The following SUSD6 variants were observed in gnomAD, a reference collection of about 807,000 sequenced individuals.
The protein encoded by SUSD6 is sushi domain-containing protein 6.
Under a neutral mutation model 28.4 loss-of-function variants are expected in SUSD6, and 16 were observed. That is an observed-to-expected ratio of 0.56 (90% CI 0.38 to 0.86). The LOEUF (loss-of-function observed/expected upper bound fraction) is 0.86. Ranked by LOEUF, SUSD6 falls within the 40% of genes least tolerant of loss-of-function variation. The pLI, the probability that SUSD6 is intolerant of heterozygous loss-of-function variation, is 0.00. For synonymous variants in SUSD6, 147 were observed against 159.6 expected (o/e 0.92, Z 0.59); for missense variants, 341 against 384.2 (o/e 0.89, Z 0.94).
intron 2 of SUSD6, among the ~76,000 whole-genome samples, chr14:69,675,579 T>G (rs1044014399): frequency 1.3e-5 from 2 of 151,884 alleles, no homozygotes; most frequent in African/African-American, 4.8e-5. Flanking sequence ...GAATAAATAA[T>G]ATGAACCACC....
intron 1 of SUSD6, among the ~76,000 whole-genome samples, chr14:69,613,706 G>T (rs1884916139): frequency 6.6e-6 from 1 of 152,188 alleles, no homozygotes; most frequent in Admixed American, 6.5e-5. Flanking sequence ...TCTGCCCAGC[G>T]AGTTAAACAG....
intron 2 of SUSD6, among the ~76,000 whole-genome samples, chr14:69,658,951 A>G (rs999357268): frequency 6.6e-6 from 1 of 152,152 alleles, no homozygotes; most frequent in African/African-American, 2.4e-5. Flanking sequence ...TCCCCCAGCC[A>G]TAATCATCAT....
At chr14:69,681,047 G>A (rs1193557567) in intron 2 of SUSD6, among the ~76,000 whole-genome samples, 2 of 152,176 alleles carry the variant, frequency 1.3e-5, no homozygotes, top group Non-Finnish European at 2.9e-5. Flanking sequence ...TTGCACAAAA[G>A]GAAGATGCCT....
At position 69,693,424 on chromosome 14, in the gene SUSD6, C is replaced by T. The variant is rs139145027; in HGVS notation, c.122-9971C>T. On this transcript the variant is annotated intron_variant, in intron 2 of 5. Coordinates refer to ENST00000342745, the MANE Select transcript of SUSD6 (RefSeq NM_014734.4). Reference sequence around the variant, plus strand: ...GCAGCCTGGGCTGTATTGTCGAGAACGGGAAGTGAAAAAGGAGCCGGCTTA... The same window carrying T: ...GCAGCCTGGGCTGTATTGTCGAGAATGGGAAGTGAAAAAGGAGCCGGCTTA... Among the ~76,000 whole-genome samples, 15 of 152,156 alleles carry T rather than the reference C, an allele frequency of 9.9e-5. No homozygotes were observed. In the East Asian group the frequency reaches 1.7e-3, roughly 18 times the overall value.
At chr14:69,638,800 CAG>C (rs941787993) in intron 1 of SUSD6, among the ~76,000 whole-genome samples, 16 of 151,998 alleles carry the variant, frequency 1.1e-4, no homozygotes, top group Middle Eastern at 3.4e-3. Flanking sequence ...GAAGGCAAGA[CAG>C]GGGCTAGTCA....
At chr14:69,641,774 T>C (rs891325387) in intron 1 of SUSD6, among the ~76,000 whole-genome samples, 93 of 150,204 alleles carry the variant, frequency 6.2e-4, no homozygotes, top group African/African-American at 2.2e-3. Context: ...AAAATTTTTT[T>C]TTTTTTGTAG....
intron 1 of SUSD6, among the ~76,000 whole-genome samples, chr14:69,646,438 C>G (rs1394842566): frequency 1.3e-5 from 2 of 152,134 alleles, no homozygotes; most frequent in African/African-American, 4.8e-5. Flanking sequence ...GTTGATCACT[C>G]CAGGGCTACA....
chr14:69,644,657 TA>T (rs1332758189), intron 1 of SUSD6, among the ~76,000 whole-genome samples: 18 of 151,858 alleles, frequency 1.2e-4, no homozygotes, highest in African/African-American at 4.3e-4. Context: ...AAAAAAAAAT[TA>T]ATTATTTCTC....
intron 1 of SUSD6, among the ~76,000 whole-genome samples, chr14:69,619,459 G>A (rs1253460603): frequency 6.6e-6 from 1 of 151,958 alleles, no homozygotes; most frequent in Non-Finnish European, 1.5e-5. Flanking sequence ...GTGTATCTTT[G>A]CCATTCAAAA....
intron 1 of SUSD6, among the ~76,000 whole-genome samples, chr14:69,655,132 C>T (rs185266671): frequency 4.7e-5 from 7 of 147,724 alleles, no homozygotes; most frequent in African/African-American, 7.5e-5. Context: ...TGAGTTTTTC[C>T]GTGCTTATAG....
chr14:69,618,191 A>C (rs2139589229), intron 1 of SUSD6, among the ~76,000 whole-genome samples: 1 of 152,352 alleles, frequency 6.6e-6, no homozygotes, highest in Non-Finnish European at 1.5e-5. Flanking sequence ...TTGAGCACCC[A>C]CATGATGGAG....
Position 69,711,080 on chromosome 14 carries a change from T to C in SUSD6, c.*101T>C, listed in dbSNP as rs117342412. 9.5e-4 allele frequency: 1,128 copies of C among 1,185,530 alleles called. 16 individuals carry two copies. The East Asian group carries it at 0.023, about 25-fold the overall frequency. 73.4% of individuals were successfully genotyped at this position (1,185,530 alleles called of 1,614,324 possible). A position where few individuals can be genotyped will look rare whatever the true frequency, so the allele number is the denominator to read the frequency against. ...GTACTCTCCAGCCACCTTACCTGGATACCTGAGCTGCCACCTGTGTATCTG... is the reference window on the plus strand; with the variant it reads ...GTACTCTCCAGCCACCTTACCTGGACACCTGAGCTGCCACCTGTGTATCTG... On this transcript the variant is annotated 3_prime_UTR_variant, in exon 6 of 6. Coordinates refer to ENST00000342745, the MANE Select transcript of SUSD6 (RefSeq NM_014734.4).
chr14:69,628,365 A>C (rs558369525), intron 1 of SUSD6, among the ~76,000 whole-genome samples: 1 of 152,216 alleles, frequency 6.6e-6, no homozygotes, highest in East Asian at 1.9e-4. Flanking sequence ...TGATGGGGCT[A>C]TGTTACTAAT....
chr14:69,620,260 A>G (rs1294403077), intron 1 of SUSD6, among the ~76,000 whole-genome samples: 1 of 152,216 alleles, frequency 6.6e-6, no homozygotes, highest in Non-Finnish European at 1.5e-5. Flanking sequence ...TCTGAGTTTC[A>G]TAAGAATTCA....
intron 1 of SUSD6, among the ~76,000 whole-genome samples, chr14:69,645,077 GA>G (rs775523166): frequency 6.6e-5 from 10 of 152,274 alleles, no homozygotes; most frequent in Non-Finnish European, 1.2e-4. Flanking sequence ...AGGACAGGAG[GA>G]ATCATGGTTT....
intron 2 of SUSD6, among the ~76,000 whole-genome samples, chr14:69,670,927 C>T (rs1232320989): frequency 6.6e-6 from 1 of 152,222 alleles, no homozygotes; most frequent in Non-Finnish European, 1.5e-5. Context: ...TTGTTTCTTG[C>T]CCTGTGAATG....
chr14:69,671,089 T>A (rs574008653), intron 2 of SUSD6, among the ~76,000 whole-genome samples: 2 of 152,330 alleles, frequency 1.3e-5, no homozygotes, highest in East Asian at 3.9e-4. Flanking sequence ...AGGACTGAGA[T>A]GCTGCTAGTG....
intron 2 of SUSD6, among the ~76,000 whole-genome samples, chr14:69,700,217 G>A (rs568554911): frequency 1.6e-3 from 251 of 152,236 alleles, no homozygotes; most frequent in Middle Eastern, 3.4e-3. Context: ...ATGATTTTGA[G>A]GCTGCTTTTC....
At chr14:69,660,653 C>G (rs375752772) in intron 2 of SUSD6, among the ~76,000 whole-genome samples, 3 of 152,350 alleles carry the variant, frequency 2.0e-5, no homozygotes, top group African/African-American at 7.2e-5. Flanking sequence ...CAAACTGGCC[C>G]ACAGGCCAAA....
Sources: allele counts gnomAD v4.1 joint callset (sites outside exome capture counted in the v4.1 genomes callset), GRCh38; gene constraint gnomAD v4.1.1; transcripts MANE v1.5; gene names NCBI Gene and HGNC (gene_info 2026-07-23, HGNC 2026-07-21).